Variants in ATRX observed in about 807,000 individuals in gnomAD.
ATRX encodes chromatin remodeler ATRX.
In ATRX, 12 loss-of-function variants were observed where a neutral mutation model predicts 172.6. The observed-to-expected ratio is 0.07, with a 90% CI of 0.04 to 0.11. The LOEUF (loss-of-function observed/expected upper bound fraction) is 0.11. Among genes scored for constraint, ATRX ranks in the 10% least tolerant of loss-of-function variants. The pLI, the probability that ATRX is intolerant of heterozygous loss-of-function variation, is 1.00. For missense variants in ATRX, 1,368 were observed against 1,767.4 expected, an observed-to-expected ratio of 0.77 and a Z score of 4.05; for synonymous variants, 674 against 594.7, an observed-to-expected ratio of 1.13 and a Z score of -1.94.
chrX:77,532,951 G>T, intron 30 of ATRX, among the ~76,000 whole-genome samples: 1 of 111,190 alleles, frequency 9.0e-6, no homozygotes, highest in Non-Finnish European at 1.9e-5. Context: ...CTATGAGAAA[G>T]AAACAACCCC....
At chrX:77,586,483 A>G (rs1427179869) in intron 27 of ATRX, among the ~76,000 whole-genome samples, 2 of 112,058 alleles carry the variant, frequency 1.8e-5, no homozygotes, top group African/African-American at 6.5e-5. Flanking sequence ...AGCAGAGACA[A>G]TCTATGTTAC....
chrX:77,728,382 T>C (rs1328479522), intron 1 of ATRX, among the ~76,000 whole-genome samples: 1 of 112,101 alleles, frequency 8.9e-6, no homozygotes, highest in East Asian at 2.8e-4. Flanking sequence ...TTAATTAGGA[T>C]CATCCTTTTG....
intron 15 of ATRX, among the ~76,000 whole-genome samples, chrX:77,642,972 G>A (rs782815710): frequency 7.2e-5 from 8 of 110,702 alleles, no homozygotes; most frequent in East Asian, 2.8e-4. Context: ...CTAAAATAAC[G>A]AAAAAGAAAA....
chrX:77,740,912 T>C (rs1210693915), intron 1 of ATRX, among the ~76,000 whole-genome samples: 4 of 110,356 alleles, frequency 3.6e-5, no homozygotes, highest in African/African-American at 1.3e-4. Flanking sequence ...AGCTCAGGAG[T>C]TCGAGACCAG....
chrX:77,566,843 A>G (rs1010406623), intron 28 of ATRX, among the ~76,000 whole-genome samples: 11 of 112,499 alleles, frequency 9.8e-5, no homozygotes, highest in African/African-American at 3.2e-4. Flanking sequence ...GTAACAGCAA[A>G]TAATAAATAT....
chrX:77,695,605 T>C (rs1180970327), intron 5 of ATRX, among the ~76,000 whole-genome samples: 1 of 111,409 alleles, frequency 9.0e-6, no homozygotes, highest in Non-Finnish European at 1.9e-5. Flanking sequence ...CCAAAACCAT[T>C]ACATAAAATT....
At chrX:77,741,478 T>C (rs1557182116) in intron 1 of ATRX, among the ~76,000 whole-genome samples, 1 of 110,786 alleles carries the variant, frequency 9.0e-6, no homozygotes, top group African/African-American at 3.3e-5. Flanking sequence ...TTTGTTTGTT[T>C]TGAGATGGAG....
At chrX:77,740,926 G>C (rs781818481) in intron 1 of ATRX, among the ~76,000 whole-genome samples, 40 of 110,768 alleles carry the variant, frequency 3.6e-4, no homozygotes, top group African/African-American at 1.2e-3. Context: ...AGACCAGCTT[G>C]GGGAACATTA....
intron 9 of ATRX, among the ~76,000 whole-genome samples, chrX:77,678,360 C>T (rs2071016725): frequency 8.9e-6 from 1 of 112,361 alleles, no homozygotes; most frequent in African/African-American, 3.2e-5. Context: ...TCCCTCTTTA[C>T]TACACCTTTC....
chrX:77,517,127 GA>G (rs1193293470), intron 34 of ATRX, among the ~76,000 whole-genome samples: 2 of 93,850 alleles, frequency 2.1e-5, no homozygotes, highest in African/African-American at 3.8e-5. Context: ...CATCAGAAAA[GA>G]AAAAAAAAAC....
chrX:77,749,430 T>C (rs1409118407), intron 1 of ATRX, among the ~76,000 whole-genome samples: 1 of 111,583 alleles, frequency 9.0e-6, no homozygotes, highest in Non-Finnish European at 1.9e-5. Flanking sequence ...AATGTAGGTA[T>C]CTTTTTGACA....
At chrX:77,738,554 G>T (rs868966532) in intron 1 of ATRX, among the ~76,000 whole-genome samples, 39 of 92,548 alleles carry the variant, frequency 4.2e-4, no homozygotes, top group African/African-American at 1.5e-3. Flanking sequence ...TTTCTCTTTT[G>T]TGTCTTTTTT....
At chrX:77,689,627 T>C (rs1032362882) in intron 6 of ATRX, among the ~76,000 whole-genome samples, 2 of 112,454 alleles carry the variant, frequency 1.8e-5, no homozygotes, top group Admixed American at 1.9e-4. Context: ...CATTCTGTAC[T>C]GTCTCCTGAT....
chrX:77,659,480 T>TACA (rs2069741358), intron 12 of ATRX, among the ~76,000 whole-genome samples: 1 of 69,126 alleles, frequency 1.4e-5, no homozygotes, highest in Non-Finnish European at 2.8e-5. Context: ...TCTTTCTCTC[T>TACA]CTACACACAC....
Position 77,684,931 on chromosome X carries a change from T to G in ATRX, c.662+8A>C. 2.5e-6 allele frequency: 3 copies of G among 1,189,810 alleles called. No homozygotes were observed. Among genetic ancestry groups the G allele is most frequent in the Non-Finnish European group, 3.4e-6 (3 of 875,453 alleles). On this transcript the variant is annotated splice_region_variant and intron_variant, in intron 8 of 34. Coordinates refer to ENST00000373344, the MANE Select transcript of ATRX (RefSeq NM_000489.6). ...AACACTGAATGTTAGCTCATCTATA[T>G]TACCTACCTACATTGTTCATCCATT...
intron 19 of ATRX, among the ~76,000 whole-genome samples, chrX:77,627,733 G>A (rs111923623): frequency 0.15 from 16,139 of 107,668 alleles, 1,258 homozygotes; most frequent in Middle Eastern, 0.23. Context: ...TGGGCATGGC[G>A]GCACACTCCT....
chrX:77,758,614 C>T (rs995761595), intron 1 of ATRX, among the ~76,000 whole-genome samples: 13 of 109,246 alleles, frequency 1.2e-4, no homozygotes, highest in African/African-American at 2.0e-4. Context: ...AAAAATTAGC[C>T]GGGTGTGGTG....
chrX:77,703,084 T>G (rs1557154835), intron 2 of ATRX, among the ~76,000 whole-genome samples: 2 of 112,687 alleles, frequency 1.8e-5, no homozygotes. Context: ...AATTTACCCA[T>G]TTAAAGTACA....
chrX:77,542,430 C>T (rs2064041412), intron 30 of ATRX, among the ~76,000 whole-genome samples: 1 of 111,820 alleles, frequency 8.9e-6, no homozygotes, highest in African/African-American at 3.3e-5. Context: ...CCCCATCAAG[C>T]TACCACTGAC....
Sources: allele counts gnomAD v4.1 joint callset (sites outside exome capture counted in the v4.1 genomes callset), GRCh38; gene constraint gnomAD v4.1.1; transcripts MANE v1.5; gene names NCBI Gene and HGNC (gene_info 2026-07-23, HGNC 2026-07-21).